Variants in GMCL1 observed in about 807,000 individuals in gnomAD.
GMCL1 encodes the protein germ cell-less 1, spermatogenesis associated, also known as germ cell-less protein-like 1.
GMCL1 carries 54 observed loss-of-function variants against 75.5 expected under a neutral mutation model. The observed-to-expected ratio is 0.71, with a 90% CI of 0.57 to 0.90. The LOEUF is 0.90. GMCL1 is among the 40% of genes least tolerant of loss of function. GMCL1 has a pLI of 0.00. For synonymous variants in GMCL1, 210 were observed against 209.6 expected (o/e 1.00, Z -0.02); for missense variants, 537 against 622.7 (o/e 0.86, Z 1.47).
intron 3 of GMCL1, among the ~76,000 whole-genome samples, 195 bp downstream of exon 3, chr2:69,839,748 T>C (rs895801496): frequency 2.0e-5 from 3 of 152,222 alleles, no homozygotes; most frequent in African/African-American, 7.2e-5. Context: ...TTTTGTCATT[T>C]GGGCCTTATC....
chr2:69,829,750 G>A lies in GMCL1; in HGVS notation c.-143G>A, dbSNP rs1674613489. The stretch of plus-strand genomic sequence containing the variant: ...GGGCGGGGAAGAGGATGGAGACTGT[G>A]GCGTCCGCTGCAACGGTTGGGGCTG... On this transcript the variant is annotated 5_prime_UTR_variant, in exon 1 of 14. Coordinates refer to ENST00000282570, the MANE Select transcript of GMCL1 (RefSeq NM_178439.5). 7 of 924,504 alleles carry A rather than the reference G, an allele frequency of 7.6e-6. No individual in the cohort carries two copies. Among genetic ancestry groups the A allele is most frequent in the Non-Finnish European group, 9.4e-6 (6 of 637,942 alleles). The allele number at this position is 924,504 out of a possible 1,614,324, so 57.3% of individuals were successfully genotyped here.
At chr2:69,858,067 A>G (rs185561268) in intron 9 of GMCL1, among the ~76,000 whole-genome samples, 2 of 152,330 alleles carry the variant, frequency 1.3e-5, no homozygotes, top group African/African-American at 4.8e-5. Context: ...TCCATTGGGA[A>G]AATACTGGGT....
At chr2:69,843,041 TTTTC>T (rs774862389) in intron 4 of GMCL1, 104 bp from the exon 5 acceptor site, 17 of 439,240 alleles carry the variant, frequency 3.9e-5, no homozygotes, top group East Asian at 3.2e-4. Flanking sequence ...GTTTTCTTTC[TTTTC>T]TTTCTTCTTT....
intron 12 of GMCL1, among the ~76,000 whole-genome samples, chr2:69,870,577 A>G (rs1461155329): frequency 1.3e-5 from 2 of 152,188 alleles, no homozygotes; most frequent in African/African-American, 2.4e-5. Context: ...AAGGCAACCC[A>G]TGGAATGAGA....
chr2:69,867,574 T>G (rs1039551121), intron 11 of GMCL1, among the ~76,000 whole-genome samples: 2 of 152,206 alleles, frequency 1.3e-5, no homozygotes, highest in Non-Finnish European at 2.9e-5. Context: ...TTTCTACTTC[T>G]TATTTTGCTT....
intron 8 of GMCL1, among the ~76,000 whole-genome samples, chr2:69,850,026 T>G (rs1378317459): frequency 6.6e-6 from 1 of 152,208 alleles, no homozygotes; most frequent in Non-Finnish European, 1.5e-5. Flanking sequence ...AAACTATTGT[T>G]TTTCCCATTT....
Position 69,830,222 on chromosome 2 carries a change from C to T in GMCL1, c.260+70C>T, listed in dbSNP as rs1435126740. 5 of 1,485,116 alleles carry T rather than the reference C, an allele frequency of 3.4e-6. No homozygotes were observed. The Admixed American group carries it at 6.6e-5, about 20-fold the overall frequency. 92.0% of individuals were successfully genotyped at this position (1,485,116 alleles called of 1,614,324 possible). On this transcript the variant is annotated intron_variant, in intron 1 of 13. Coordinates refer to ENST00000282570, the MANE Select transcript of GMCL1 (RefSeq NM_178439.5). The stretch of plus-strand genomic sequence containing the variant: ...TGGGCCTGGGGCCGAGCCGGCGCCT[C>T]GTGCGCTTGCGGGGTGCAGCGCTCC...
intron 9 of GMCL1, among the ~76,000 whole-genome samples, chr2:69,857,550 A>G (rs367581184): frequency 3.9e-5 from 6 of 152,240 alleles, no homozygotes; most frequent in African/African-American, 1.4e-4. Context: ...GTTACTGAAA[A>G]TGAAAAGGTA....
intron 6 of GMCL1, among the ~76,000 whole-genome samples, chr2:69,846,357 A>G (rs568843004): frequency 2.6e-5 from 4 of 152,248 alleles, no homozygotes; most frequent in Non-Finnish European, 5.9e-5. Flanking sequence ...AAAAAACCCA[A>G]TGTAGTATGA....
intron 1 of GMCL1, among the ~76,000 whole-genome samples, chr2:69,836,998 A>G (rs1674835868): frequency 6.6e-6 from 1 of 152,234 alleles, no homozygotes; most frequent in Non-Finnish European, 1.5e-5. Flanking sequence ...CTTTGATCTA[A>G]GGTTGCAAAC....
intron 1 of GMCL1, among the ~76,000 whole-genome samples, chr2:69,832,901 G>A (rs558220725): frequency 1.3e-5 from 2 of 152,350 alleles, no homozygotes; most frequent in African/African-American, 4.8e-5. Flanking sequence ...GAAAATACAT[G>A]TAGTAGTCAG....
chr2:69,849,883 G>C (rs1164403812), intron 8 of GMCL1, 141 bp downstream of exon 8: 1 of 481,810 alleles, frequency 2.1e-6, no homozygotes. Flanking sequence ...TTAGAGCTTG[G>C]AGAAGACCTT....
In GMCL1 at chr2:69,832,867, A is replaced by G. The variant is rs555769089; in HGVS notation, c.260+2715A>G. Among the ~76,000 whole-genome samples, 15 of 152,382 alleles carry G rather than the reference A, an allele frequency of 9.8e-5. No homozygotes were observed. In the East Asian group the frequency reaches 2.9e-3, roughly 29 times the overall value. ...ACAGAGAATTAACTACTGAGGACAA[A>G]ACGCTAAGGTAAAGAGATCCCTAGA... On this transcript the variant is annotated intron_variant, in intron 1 of 13. Coordinates refer to ENST00000282570, the MANE Select transcript of GMCL1 (RefSeq NM_178439.5).
intron 2 of GMCL1, among the ~76,000 whole-genome samples, chr2:69,838,686 T>C (rs140507713): frequency 6.6e-6 from 1 of 152,314 alleles, no homozygotes; most frequent in East Asian, 1.9e-4. Context: ...GAATATTGCT[T>C]TTAACTTCAG....
At chr2:69,870,126 T>G (rs1194720947) in intron 12 of GMCL1, among the ~76,000 whole-genome samples, 1 of 150,248 alleles carries the variant, frequency 6.7e-6, no homozygotes, top group Non-Finnish European at 1.5e-5. Context: ...CTTGTTGCTA[T>G]TCCTAGCAAA....
rs776279803 is a variant in GMCL1 at position 69,830,146 on chromosome 2, C to G, written c.254C>G (p.Pro85Arg). ...GDEQQRLLNT[P>R]RRKKLKSTSK... ...GAGCAGCAGCGGCTCCTCAACACCCCTCGAAGGTACGTGGGGGCACGCACC... is the reference window on the plus strand; with the variant it reads ...GAGCAGCAGCGGCTCCTCAACACCCGTCGAAGGTACGTGGGGGCACGCACC... The change falls in exon 1 of 14, where the codon CCT (proline) becomes CGT (arginine). Residue 85 changes from proline to arginine, a missense_variant. By Grantham distance (103) the Pro-to-Arg change is moderately radical. This residue lies in a region of GMCL1 where 144 missense variants were observed against 127.2 expected (regional missense o/e 1.13). Coordinates refer to ENST00000282570, the MANE Select transcript of GMCL1 (RefSeq NM_178439.5). 1.3e-6 allele frequency: 2 copies of G among 1,562,214 alleles called. No homozygotes were observed. Among genetic ancestry groups the G allele is most frequent in the Non-Finnish European group, 1.7e-6 (2 of 1,153,144 alleles).
intron 9 of GMCL1, among the ~76,000 whole-genome samples, chr2:69,859,865 A>G (rs940785588): frequency 6.6e-6 from 1 of 151,930 alleles, no homozygotes. Context: ...TTTTAATTGC[A>G]CTACGATTTC....
intron 8 of GMCL1, among the ~76,000 whole-genome samples, chr2:69,853,336 G>C (rs779627259): frequency 1.6e-4 from 24 of 152,144 alleles, no homozygotes; most frequent in Non-Finnish European, 2.9e-4. Context: ...ATTTTTTAAT[G>C]AATTTACTGC....
chr2:69,857,822 A>G (rs1675522349), intron 9 of GMCL1, among the ~76,000 whole-genome samples: 1 of 152,218 alleles, frequency 6.6e-6, no homozygotes, highest in African/African-American at 2.4e-5. Context: ...TATAAGCCAT[A>G]TTAGTTTTAA....
Sources: gnomAD v4.1 joint callset for allele counts (sites outside exome capture counted in the v4.1 genomes callset) on GRCh38, gnomAD v4.1.1 for gene constraint, gnomAD v4.1.1 regional missense constraint, MANE v1.5 for transcripts, NCBI Gene and HGNC (gene_info 2026-07-23, HGNC 2026-07-21) for gene names.